The following MALRD1 variants were observed in gnomAD, a reference collection of about 807,000 sequenced individuals.
MALRD1 encodes MAM and LDL receptor class A domain containing 1, also known as MAM and LDL-receptor class A domain-containing protein 1.
In MALRD1, 247 loss-of-function variants were observed where a neutral mutation model predicts 242.1. The ratio of observed to expected loss-of-function variants is 1.02; its 90% CI spans 0.92 to 1.13. The LOEUF (loss-of-function observed/expected upper bound fraction) is 1.13. MALRD1 is among the 50% of genes most tolerant of loss of function. The pLI is 0.00. For synonymous variants in MALRD1, 995 were observed against 866.6 expected, an observed-to-expected ratio of 1.15 and a Z score of -2.60; for missense variants, 2,989 against 2,533.1, an observed-to-expected ratio of 1.18 and a Z score of -3.86.
intron 13 of MALRD1, among the ~76,000 whole-genome samples, chr10:19,171,972 GATAT>G (rs567475740): frequency 9.8e-5 from 3 of 30,722 alleles, no homozygotes; most frequent in African/African-American, 4.5e-4. Context: ...ACATATATGT[GATAT>G]ATATCATATA....
intron 36 of MALRD1, among the ~76,000 whole-genome samples, chr10:19,655,542 A>ATATATATATATATATATG (rs1304043424): frequency 1.6e-5 from 1 of 63,454 alleles, no homozygotes; most frequent in African/African-American, 7.7e-5. Flanking sequence ...ATATATATAT[A>ATATATATATATATATATG]TATATATATA....
intron 24 of MALRD1, among the ~76,000 whole-genome samples, chr10:19,334,667 GA>G (rs142954546): frequency 0.024 from 3,644 of 151,958 alleles, 82 homozygotes; most frequent in African/African-American, 0.05. Context: ...ATTATTATGT[GA>G]AAAAGGGAAA....
Position 19,732,707 on chromosome 10 carries a change from G to C in MALRD1, c.6391-1450G>C, listed in dbSNP as rs564239606. ...ATAAACTTGTAGTAACTAAAAAGTG[G>C]CTCGATAGGTATTATGGATTCTTTA... On this transcript the variant is annotated intron_variant, in intron 39 of 39. Coordinates refer to ENST00000454679, the MANE Select transcript of MALRD1 (RefSeq NM_001142308.3). 2.6e-5 allele frequency among the ~76,000 whole-genome samples: 4 copies of C among 152,184 alleles called. No homozygotes were observed. In the South Asian group the frequency reaches 8.3e-4, roughly 32 times the overall value.
At chr10:19,069,014 T>A (rs2131249739) in intron 2 of MALRD1, among the ~76,000 whole-genome samples, 1 of 152,170 alleles carries the variant, frequency 6.6e-6, no homozygotes, top group South Asian at 2.1e-4. Flanking sequence ...CAAAATCAAA[T>A]ACATCTTTGT....
chr10:19,517,344 A>G (rs1255617190), intron 31 of MALRD1, among the ~76,000 whole-genome samples: 2 of 152,212 alleles, frequency 1.3e-5, no homozygotes, highest in East Asian at 3.9e-4. Flanking sequence ...CTTTTCCAAT[A>G]GCCTGGCTGT....
intron 19 of MALRD1, among the ~76,000 whole-genome samples, chr10:19,277,682 T>A (rs1840598114): frequency 6.6e-6 from 1 of 152,214 alleles, no homozygotes; most frequent in Non-Finnish European, 1.5e-5. Flanking sequence ...ATAGGAAATT[T>A]TCTTCTTTAG....
chr10:19,286,827 A>C (rs1313372084), intron 21 of MALRD1, among the ~76,000 whole-genome samples: 1 of 151,266 alleles, frequency 6.6e-6, no homozygotes, highest in Non-Finnish European at 1.5e-5. Context: ...TTATGAGGCC[A>C]GCATCATTCT....
At chr10:19,133,361 G>T (rs555842307) in intron 8 of MALRD1, among the ~76,000 whole-genome samples, 1 of 152,142 alleles carries the variant, frequency 6.6e-6, no homozygotes, top group Admixed American at 6.6e-5. Context: ...TGTATTGTTT[G>T]GAATTTGGAC....
chr10:19,438,410 TG>T (rs1222993484), intron 28 of MALRD1, among the ~76,000 whole-genome samples: 1 of 152,238 alleles, frequency 6.6e-6, no homozygotes, highest in Non-Finnish European at 1.5e-5. Flanking sequence ...CATTCATTCA[TG>T]GATACACATG....
intron 5 of MALRD1, among the ~76,000 whole-genome samples, chr10:19,108,515 C>T (rs1183979639): frequency 1.4e-4 from 9 of 64,694 alleles, no homozygotes; most frequent in East Asian, 4.3e-4. Context: ...CCCGGGTTCA[C>T]GCCATTCTCC....
chr10:19,477,463 A>G (rs1461322463), intron 29 of MALRD1, among the ~76,000 whole-genome samples: 1 of 151,642 alleles, frequency 6.6e-6, no homozygotes, highest in Non-Finnish European at 1.5e-5. Context: ...GTTGGAAATA[A>G]ATAAATAAAT....
intron 24 of MALRD1, among the ~76,000 whole-genome samples, chr10:19,342,099 C>T (rs867917995): frequency 3.3e-5 from 5 of 151,954 alleles, no homozygotes; most frequent in African/African-American, 1.2e-4. Flanking sequence ...GTTTATATTA[C>T]GTATATTATT....
intron 21 of MALRD1, among the ~76,000 whole-genome samples, chr10:19,323,277 T>C (rs1283730876): frequency 1.3e-5 from 2 of 152,232 alleles, no homozygotes; most frequent in African/African-American, 4.8e-5. Context: ...CCCTTCCTTT[T>C]ATGTTTCTTC....
intron 1 of MALRD1, among the ~76,000 whole-genome samples, chr10:19,049,450 C>T (rs1834421305): frequency 6.6e-6 from 1 of 152,130 alleles, no homozygotes; most frequent in Non-Finnish European, 1.5e-5. Context: ...TAAAAGAACT[C>T]ATTAATGCAG....
chr10:19,396,599 TC>T (rs1266331242), intron 28 of MALRD1, among the ~76,000 whole-genome samples: 10 of 152,240 alleles, frequency 6.6e-5, no homozygotes, highest in African/African-American at 2.4e-4. Flanking sequence ...AAAAAACAAT[TC>T]TAGCTTCTAT....
intron 26 of MALRD1, among the ~76,000 whole-genome samples, chr10:19,369,390 T>C (rs1207736566): frequency 2.7e-5 from 2 of 74,012 alleles, no homozygotes; most frequent in Admixed American, 1.3e-4. Flanking sequence ...TGAAATATAT[T>C]TATATATAAA....
Position 19,635,401 on chromosome 10 carries a change from AAG to A in MALRD1, c.6137+19481_6137+19482del, listed in dbSNP as rs138825881. Reference sequence around the variant, plus strand: ...AGAAATATAGTTCATAAGAAACAAAAAGAGTTAAAAAGTTCAAAAGCAGCTGA... The same window carrying A: ...AGAAATATAGTTCATAAGAAACAAAAAGTTAAAAAGTTCAAAAGCAGCTGA... On this transcript the variant is annotated intron_variant, in intron 36 of 39. Transcript: ENST00000454679. Among the ~76,000 whole-genome samples the A allele has an allele frequency of 9.3e-3, 1,413 of 152,268 alleles. 19 individuals are homozygous for A. The highest frequency in any genetic ancestry group is 0.032 in the African/African-American group (1,325 of 41,564).
intron 38 of MALRD1, among the ~76,000 whole-genome samples, chr10:19,702,702 C>A (rs1187863155): frequency 1.3e-5 from 2 of 151,780 alleles, no homozygotes; most frequent in African/African-American, 4.8e-5. Flanking sequence ...TCATTTAAGC[C>A]CTAAAGTAAG....
At chr10:19,111,205 A>T (rs1836667684) in intron 5 of MALRD1, among the ~76,000 whole-genome samples, 1 of 152,206 alleles carries the variant, frequency 6.6e-6, no homozygotes, top group Non-Finnish European at 1.5e-5. Context: ...AAGACTCTAT[A>T]AAATCACTAC....
Sources: allele counts gnomAD v4.1 joint callset (sites outside exome capture counted in the v4.1 genomes callset), GRCh38; gene constraint gnomAD v4.1.1; transcripts MANE v1.5; gene names NCBI Gene and HGNC (gene_info 2026-07-23, HGNC 2026-07-21).